Variants in KPNA2 observed in about 807,000 individuals in gnomAD.
KPNA2 encodes the protein importin subunit alpha-1.
KPNA2 carries 20 observed loss-of-function variants against 53.7 expected under a neutral mutation model. The ratio of observed to expected loss-of-function variants is 0.37; its 90% CI spans 0.26 to 0.54. The LOEUF is 0.54. KPNA2 is among the 20% of genes least tolerant of loss of function. The pLI, the probability that KPNA2 is intolerant of heterozygous loss-of-function variation, is 0.83. For synonymous variants in KPNA2, 238 were observed against 227.5 expected (o/e 1.05, Z -0.42); for missense variants, 515 against 640.3 (o/e 0.80, Z 2.11).
At position 68,040,570 on chromosome 17, in the gene KPNA2, C is replaced by T. The variant is rs1189461161; in HGVS notation, c.214-108C>T. ...AAATGTAGGGCTAAATATTTAGTAG[C>T]TGGCTATAAGCCTAACGATGTTTAC... is the stretch of plus-strand genomic sequence containing the variant. On this transcript the variant is annotated intron_variant, in intron 3 of 10. Coordinates refer to ENST00000330459, the MANE Select transcript of KPNA2 (RefSeq NM_002266.4). 2.5e-5 allele frequency: 17 copies of T among 686,236 alleles called. No individual in the cohort carries two copies. In the African/African-American group the frequency reaches 3.1e-4, roughly 12 times the overall value. The allele number at this position is 686,236 out of a possible 1,614,324, so 42.5% of individuals were successfully genotyped here.
chr17:68,043,406 A>G (rs1555704946), intron 7 of KPNA2, 43 bp downstream of exon 7: 4 of 1,595,946 alleles, frequency 2.5e-6, no homozygotes, highest in South Asian at 2.2e-5. Context: ...TATAAGAAGC[A>G]TGATCAGGGC....
chr17:68,046,541 C>T lies in KPNA2; in HGVS notation c.1535C>T (p.Ser512Phe). The T allele has an allele frequency of 6.2e-7, 1 of 1,611,946 alleles. No individual in the cohort carries two copies. Among genetic ancestry groups the T allele is most frequent in the Non-Finnish European group, 8.5e-7 (1 of 1,178,436 alleles). Residue 512 changes from serine to phenylalanine, a missense_variant, in exon 11 of 11, where the codon TCT becomes TTT. Transcript: ENST00000330459. ...CAAAACGTTGTACCAGAAACTACCT[C>T]TGAAGGCTACACTTTCCAAGTTCAG... is the stretch of plus-strand genomic sequence containing the variant. ...EDQNVVPETTSEGYTFQVQDG... is the reference protein window; with the variant it reads ...EDQNVVPETTFEGYTFQVQDG...
chr17:68,037,032 A>G, intron 1 of KPNA2, 78 bp from the exon 2 acceptor site: 3 of 937,996 alleles, frequency 3.2e-6, no homozygotes, highest in Non-Finnish European at 3.5e-6. Flanking sequence ...GATGCTTGAT[A>G]ATTCAGTTCT....
rs144940728 is a variant in KPNA2 at position 68,045,250 on chromosome 17, T to C, written c.1348-522T>C. 6.8e-3 allele frequency among the ~76,000 whole-genome samples: 1,032 copies of C among 152,278 alleles called. 16 individuals carry two copies. The highest frequency in any genetic ancestry group is 0.024 in the African/African-American group (990 of 41,544). Reference sequence around the variant, plus strand: ...AATCTGTTTTTTTCATCTATAGATATTTATGTATCTCTTTAAGGTTGAAAA... The same window carrying C: ...AATCTGTTTTTTTCATCTATAGATACTTATGTATCTCTTTAAGGTTGAAAA... On this transcript the variant is annotated intron_variant, in intron 9 of 10. Transcript: ENST00000330459.
rs186248082 is a variant in KPNA2 at position 68,037,310 on chromosome 17, A to G, written c.76-48A>G. 3.1e-6 allele frequency: 5 copies of G among 1,593,044 alleles called. No homozygotes were observed. The Middle Eastern group carries it at 5.0e-4, about 160-fold the overall frequency. Reference sequence around the variant, plus strand: ...TAAAAAAAAAATGCCCTCACTTAGCAACAAAAACTGGTGTGATAGGTGAAA... The same window carrying G: ...TAAAAAAAAAATGCCCTCACTTAGCGACAAAAACTGGTGTGATAGGTGAAA... On this transcript the variant is annotated intron_variant, in intron 2 of 10. Transcript: ENST00000330459.
In KPNA2 at chr17:68,040,604, T is replaced by C. The variant is rs546249616; in HGVS notation, c.214-74T>C. The C allele has an allele frequency of 5.1e-5, 51 of 1,001,314 alleles. No individual in the cohort carries two copies. The South Asian group carries it at 6.5e-4, about 13-fold the overall frequency. 62.0% of individuals were successfully genotyped at this position (1,001,314 alleles called of 1,614,324 possible). On this transcript the variant is annotated intron_variant, in intron 3 of 10. Transcript: ENST00000330459. ...AGCCTAACGATGTTTACACTTGCCTTCACAAGTAAGTGTGGATTTTATTGT... is the reference window on the plus strand; with the variant it reads ...AGCCTAACGATGTTTACACTTGCCTCCACAAGTAAGTGTGGATTTTATTGT...
rs782265636 is a variant in KPNA2, at chr17:68,043,824, T to C, written c.931-14T>C. ...GAAAAAATAACCAGCATCAACATATTTTTTTTTTTTCAGACTCCTGCCCTA... is the reference window on the plus strand; with the variant it reads ...GAAAAAATAACCAGCATCAACATATCTTTTTTTTTTCAGACTCCTGCCCTA... On this transcript the variant is annotated splice_polypyrimidine_tract_variant and intron_variant, in intron 7 of 10. Coordinates refer to ENST00000330459, the MANE Select transcript of KPNA2 (RefSeq NM_002266.4). The C allele has an allele frequency of 4.4e-6, 6 of 1,366,356 alleles. No homozygotes were observed. Among genetic ancestry groups the C allele is most frequent in the Non-Finnish European group, 6.1e-6 (6 of 982,788 alleles). The allele number at this position is 1,366,356 out of a possible 1,614,324, so 84.6% of individuals were successfully genotyped here. A position where few individuals can be genotyped will look rare whatever the true frequency, so the allele number is the denominator to read the frequency against.
intron 2 of KPNA2, 38 bp from the exon 3 acceptor site, chr17:68,037,320 G>T (rs782441955): frequency 1.5e-5 from 24 of 1,600,430 alleles, no homozygotes; most frequent in Non-Finnish European, 1.9e-5. Flanking sequence ...AACAAAAACT[G>T]GTGTGATAGG....
chr17:68,044,820 C>T (rs2071309669), intron 9 of KPNA2, among the ~76,000 whole-genome samples: 1 of 152,116 alleles, frequency 6.6e-6, no homozygotes, highest in African/African-American at 2.4e-5. Flanking sequence ...CTTGGCCAGG[C>T]ACGGTGGCTC....
chr17:68,042,209 G>T lies in KPNA2; in HGVS notation c.427G>T (p.Ala143Ser). ...CSPIQFESAW[A>S]LTNIASGTSE... The stretch of plus-strand genomic sequence containing the variant: ...TCCCATTCAGTTTGAATCTGCTTGG[G>T]CACTCACTAACATTGCTTCTGGGAC... The change falls in exon 5 of 11, where the codon GCA becomes TCA. Residue 143 changes from alanine to serine, a missense_variant. Physicochemically the swap from Ala to Ser is moderately conservative, Grantham distance 99 (BLOSUM62 1). Coordinates refer to ENST00000330459, the MANE Select transcript of KPNA2 (RefSeq NM_002266.4). The T allele has an allele frequency of 6.2e-7, 1 of 1,614,006 alleles. No individual in the cohort carries two copies. Among genetic ancestry groups the T allele is most frequent in the Non-Finnish European group, 8.5e-7 (1 of 1,179,936 alleles).
At chr17:68,036,553 A>G (rs1160423868) in intron 1 of KPNA2, 1 of 152,416 alleles carries the variant, frequency 6.6e-6, no homozygotes, top group Non-Finnish European at 1.5e-5. Flanking sequence ...CATAATTTTT[A>G]GCTGTAAGTT....
In KPNA2 at chr17:68,042,302, C is replaced by T. The variant is rs2071269915; in HGVS notation, c.520C>T (p.Pro174Ser). ...AGCATTCATTTCTCTGTTGGCATCTCCCCATGCTCACATCAGTGAACAAGC... is the reference window on the plus strand; with the variant it reads ...AGCATTCATTTCTCTGTTGGCATCTTCCCATGCTCACATCAGTGAACAAGC... ...IPAFISLLAS[P>S]HAHISEQAVW... The change falls in exon 5 of 11, where the codon CCC becomes TCC. Residue 174 changes from proline to serine, a missense_variant. Transcript: ENST00000330459. The T allele has an allele frequency of 5.0e-6, 8 of 1,614,050 alleles. No individual in the cohort carries two copies. Among genetic ancestry groups the T allele is most frequent in the Non-Finnish European group, 5.9e-6 (7 of 1,180,022 alleles).
chr17:68,044,207 C>T, intron 8 of KPNA2, 114 bp from the exon 9 acceptor site: 2 of 1,296,082 alleles, frequency 1.5e-6, no homozygotes, highest in Middle Eastern at 3.8e-4. Flanking sequence ...ACCCCTTTTA[C>T]TTAAGGTTGG....
chr17:68,044,127 C>T, intron 8 of KPNA2, 56 bp downstream of exon 8: 1 of 1,444,014 alleles, frequency 6.9e-7, no homozygotes, highest in East Asian at 2.3e-5. Flanking sequence ...GAAAGCTGTG[C>T]TTGATAAGCT....
chr17:68,043,051 C>T, intron 6 of KPNA2, 49 bp from the exon 7 acceptor site: 4 of 1,612,624 alleles, frequency 2.5e-6, no homozygotes, highest in East Asian at 2.2e-5. Context: ...TAATTTCCCC[C>T]ATCTTCTCAA....
At chr17:68,036,855 A>G in intron 1 of KPNA2, 1 of 304,626 alleles carries the variant, frequency 3.3e-6, no homozygotes, top group Non-Finnish European at 6.0e-6. Context: ...TATGGCTACT[A>G]GGAAGTTTCA....
chr17:68,041,490 C>T (rs984613576), intron 4 of KPNA2, among the ~76,000 whole-genome samples: 13 of 152,140 alleles, frequency 8.5e-5, no homozygotes, highest in South Asian at 2.1e-4. Context: ...ACCCAGCAGG[C>T]GGAGGTTGCA....
chr17:68,044,409 A>G lies in KPNA2; in HGVS notation c.1253A>G (p.His418Arg), dbSNP rs140410852. Residue 418 changes from histidine (H) to arginine (R), a missense_variant, in exon 9 of 11, where the codon CAC becomes CGC. Physicochemically the swap from His to Arg is conservative, Grantham distance 29. Coordinates refer to ENST00000330459, the MANE Select transcript of KPNA2 (RefSeq NM_002266.4). Reference sequence around the variant, plus strand: ...GTTGAACAGATTGTGTACCTTGTTCACTGTGGCATAATAGAACCGTTGATG... The same window carrying G: ...GTTGAACAGATTGTGTACCTTGTTCGCTGTGGCATAATAGAACCGTTGATG... The part of the protein sequence containing the change: ...GTVEQIVYLV[H>R]CGIIEPLMNL... 2.4e-5 allele frequency: 38 copies of G among 1,614,038 alleles called. No homozygotes were observed. In the African/African-American group the frequency reaches 4.4e-4, roughly 19 times the overall value.
intron 3 of KPNA2, among the ~76,000 whole-genome samples, chr17:68,039,090 C>G (rs555961652): frequency 9.9e-4 from 150 of 152,110 alleles, no homozygotes; most frequent in African/African-American, 3.6e-3. Context: ...TCATCTGGGC[C>G]CTTTCCTACA....
Sources: gnomAD v4.1 joint callset for allele counts (sites outside exome capture counted in the v4.1 genomes callset) on GRCh38, gnomAD v4.1.1 for gene constraint, MANE v1.5 for transcripts, NCBI Gene and HGNC (gene_info 2026-07-23, HGNC 2026-07-21) for gene names.